Variants in GCNT1 observed in about 807,000 individuals in gnomAD.
GCNT1 encodes the protein beta-1,3-galactosyl-O-glycosyl-glycoprotein beta-1,6-N-acetylglucosaminyltransferase.
In GCNT1, 16 loss-of-function variants were observed where a neutral mutation model predicts 26.2. That is an observed-to-expected ratio of 0.61 (90% confidence interval 0.41 to 0.93). The LOEUF is 0.93. Ranked by LOEUF, GCNT1 falls within the 40% of genes least tolerant of loss-of-function variation. The pLI, the probability that GCNT1 is intolerant of heterozygous loss-of-function variation, is 0.00. For synonymous variants in GCNT1, 183 were observed against 190.8 expected (o/e 0.96, Z 0.34); for missense variants, 477 against 526.7 (o/e 0.91, Z 0.92).
upstream of GCNT1, among the ~76,000 whole-genome samples, chr9:76,440,967 G>A (rs547100650): frequency 1.1e-4 from 16 of 150,062 alleles, no homozygotes; most frequent in Non-Finnish European, 1.9e-4. Flanking sequence ...AGGAGGCTGA[G>A]GTAGGAAAAA....
intron 1 of GCNT1, among the ~76,000 whole-genome samples, chr9:76,424,855 C>T (rs1035821866): frequency 1.3e-5 from 2 of 152,030 alleles, no homozygotes; most frequent in African/African-American, 4.8e-5. Context: ...AAAAGGACAT[C>T]GAGGCTGGGA....
chr9:76,421,989 G>C lies in GCNT1; in HGVS notation n.38+2102G>C, dbSNP rs185889253. On this transcript the variant is annotated intron_variant and non_coding_transcript_variant, in intron 1 of 3. Coordinates refer to the GCNT1 transcript ENST00000488136. ...TTTAATTGACCCACAGTTCTGCATGGCTGGGGAGGCCTCAGGAAACTTACA... is the reference window on the plus strand; with the variant it reads ...TTTAATTGACCCACAGTTCTGCATGCCTGGGGAGGCCTCAGGAAACTTACA... Among the ~76,000 whole-genome samples, 402 of 152,192 alleles carry C rather than the reference G, an allele frequency of 2.6e-3. 1 individual carries two copies. Among genetic ancestry groups the C allele is most frequent in the African/African-American group, 9.3e-3 (388 of 41,522 alleles).
intron 2 of GCNT1, among the ~76,000 whole-genome samples, chr9:76,496,870 A>G (rs76247168): frequency 0.074 from 11,305 of 152,106 alleles, 1,334 homozygotes; most frequent in African/African-American, 0.26. Flanking sequence ...AAAATTATAT[A>G]GGGTAGTGTC....
At chr9:76,492,964 C>A (rs1824788658) in intron 2 of GCNT1, among the ~76,000 whole-genome samples, 1 of 152,126 alleles carries the variant, frequency 6.6e-6, no homozygotes, top group Non-Finnish European at 1.5e-5. Context: ...TTGGAGCTTT[C>A]TCCTGACATC....
At chr9:76,423,184 G>A (rs562538720) in intron 1 of GCNT1, among the ~76,000 whole-genome samples, 82 of 152,314 alleles carry the variant, frequency 5.4e-4, no homozygotes, top group Admixed American at 4.4e-3. Context: ...TAGGCATCAT[G>A]TTTTCCTCCT....
the GCNT1 span, chr9:76,399,171 A>C: frequency 2.7e-6 from 4 of 1,471,834 alleles, no homozygotes; most frequent in Non-Finnish European, 3.8e-6. Context: ...CGCTATGTGG[A>C]CATTGCCATC....
intron 2 of GCNT1, among the ~76,000 whole-genome samples, chr9:76,480,628 G>A (rs1036507642): frequency 1.3e-5 from 2 of 152,152 alleles, no homozygotes; most frequent in African/African-American, 4.8e-5. Context: ...TTGGGAGAGA[G>A]AGCATGGGGA....
At chr9:76,448,774 C>A (rs1450683059) in intron 1 of GCNT1, among the ~76,000 whole-genome samples, 2 of 152,158 alleles carry the variant, frequency 1.3e-5, no homozygotes, top group Non-Finnish European at 2.9e-5. Flanking sequence ...GGAGATTCAT[C>A]CATGTTGAAG....
chr9:76,438,799 GA>G (rs113875725), upstream of GCNT1, among the ~76,000 whole-genome samples: 12,014 of 135,146 alleles, frequency 0.089, 642 homozygotes, highest in African/African-American at 0.17. Context: ...TAGCCAATGA[GA>G]AAAAAAAAAA....
At chr9:76,481,233 G>A (rs553113083) in intron 2 of GCNT1, among the ~76,000 whole-genome samples, 1 of 151,944 alleles carries the variant, frequency 6.6e-6, no homozygotes, top group African/African-American at 2.4e-5. Flanking sequence ...ATATATATAT[G>A]GGATTAAATG....
chr9:76,495,306 T>C (rs1044474048), intron 2 of GCNT1, among the ~76,000 whole-genome samples: 1 of 152,146 alleles, frequency 6.6e-6, no homozygotes, highest in African/African-American at 2.4e-5. Flanking sequence ...CTGGAGTCTC[T>C]TCTTTCCATT....
chr9:76,430,312 T>C lies in GCNT1; in HGVS notation n.38+10425T>C, dbSNP rs1417348010. Among the ~76,000 whole-genome samples the C allele has an allele frequency of 7.2e-5, 11 of 152,190 alleles. 1 individual carries two copies. Among genetic ancestry groups the C allele is most frequent in the Admixed American group, 1.3e-4 (2 of 15,272 alleles). ...GAGAAGGATTTAAAAAATCTCATTA[T>C]TGTTTCTATTTTAATTTGCATTTTT... On this transcript the variant is annotated intron_variant and non_coding_transcript_variant, in intron 1 of 3. Transcript: ENST00000488136.
chr9:76,476,374 C>T (rs866378896), intron 2 of GCNT1, among the ~76,000 whole-genome samples: 20 of 151,784 alleles, frequency 1.3e-4, no homozygotes, highest in Admixed American at 1.2e-3. Context: ...AATTTTGTTT[C>T]CATAAAACCG....
chr9:76,495,424 A>G (rs1252569670), intron 2 of GCNT1, among the ~76,000 whole-genome samples: 1 of 152,156 alleles, frequency 6.6e-6, no homozygotes, highest in Middle Eastern at 3.2e-3. Context: ...AGCAAGATTT[A>G]TTGTGAAGAG....
intron 2 of GCNT1, among the ~76,000 whole-genome samples, chr9:76,485,863 G>C (rs1024687163): frequency 2.0e-5 from 3 of 152,136 alleles, no homozygotes; most frequent in African/African-American, 7.2e-5. Flanking sequence ...CTCCCAAGTA[G>C]CTGGGATTAC....
chr9:76,429,176 A>G (rs1175791885), intron 1 of GCNT1, among the ~76,000 whole-genome samples: 3 of 152,128 alleles, frequency 2.0e-5, no homozygotes, highest in African/African-American at 7.2e-5. Context: ...TTATATGAGT[A>G]CACTATAATA....
In GCNT1 at chr9:76,504,792, A is replaced by G; in HGVS notation, c.*1124A>G. 1 of 413,500 alleles carries G rather than the reference A, an allele frequency of 2.4e-6. No homozygotes were observed. Among genetic ancestry groups the G allele is most frequent in the Non-Finnish European group, 4.4e-6 (1 of 226,162 alleles). The allele number at this position is 413,500 out of a possible 1,614,324, so 25.6% of individuals were successfully genotyped here. A position where few individuals can be genotyped will look rare whatever the true frequency, so the allele number is the denominator to read the frequency against. On this transcript the variant is annotated 3_prime_UTR_variant, in exon 4 of 4. Coordinates refer to ENST00000376730, the MANE Select transcript of GCNT1 (RefSeq NM_001490.5). ...GGCCCTGTTCTTGGGTCTTCCCGTT[A>G]CCTGCCCCCTGGGTGGTAAGTTTCC...
chr9:76,462,143 AT>A (rs11368049), intron 2 of GCNT1, among the ~76,000 whole-genome samples: 102,858 of 148,046 alleles, frequency 0.69, 35,885 homozygotes, highest in African/African-American at 0.79. Flanking sequence ...GCTATACTGT[AT>A]TTTTTTTTTT....
At chr9:76,406,910 T>A in the GCNT1 span, among the ~76,000 whole-genome samples, 1 of 150,060 alleles carries the variant, frequency 6.7e-6, no homozygotes, top group Non-Finnish European at 1.5e-5. Context: ...GCATGGTGGC[T>A]CATGCCTGTA....
Sources: gnomAD v4.1 joint callset for allele counts (sites outside exome capture counted in the v4.1 genomes callset) on GRCh38, gnomAD v4.1.1 for gene constraint, MANE v1.5 for transcripts, NCBI Gene and HGNC (gene_info 2026-07-23, HGNC 2026-07-21) for gene names.